Variants in MCPH1 observed in about 807,000 individuals in gnomAD.
The protein encoded by MCPH1 is microcephalin 1.
Under a neutral mutation model 84.5 loss-of-function variants are expected in MCPH1, and 104 were observed. The observed-to-expected ratio is 1.23, with a 90% confidence interval of 1.05 to 1.45. The LOEUF (loss-of-function observed/expected upper bound fraction) is 1.45, where lower values mean the gene tolerates loss of function less well. Ranked by LOEUF, MCPH1 falls within the 40% of genes most tolerant of loss-of-function variation. MCPH1 has a pLI of 0.00. For synonymous variants in MCPH1, 514 were observed against 366.8 expected (o/e 1.40, Z -4.58); for missense variants, 1,498 against 1,005.7 (o/e 1.49, Z -6.62).
At chr8:6,497,672 G>A (rs984085445) in intron 11 of MCPH1, among the ~76,000 whole-genome samples, 1 of 152,208 alleles carries the variant, frequency 6.6e-6, no homozygotes, top group African/African-American at 2.4e-5. Flanking sequence ...AACACATGTA[G>A]CACTCCAGTG....
At chr8:6,455,068 G>A in intron 8 of MCPH1, 75 bp from the exon 9 acceptor site, 1 of 1,082,208 alleles carries the variant, frequency 9.2e-7, no homozygotes, top group Non-Finnish European at 1.4e-6. Context: ...ATGCATAAAT[G>A]TGATTTTTGT....
chr8:6,407,859 G>C (rs939291349), intron 1 of MCPH1, among the ~76,000 whole-genome samples: 1 of 152,058 alleles, frequency 6.6e-6, no homozygotes, highest in Non-Finnish European at 1.5e-5. Context: ...AGCTAAGAAT[G>C]TCTTTTACAT....
Position 6,444,703 on chromosome 8 carries a change from A to G in MCPH1, c.981A>G (p.Glu327=). ...QAAGMSQETF[E]EKYRLSPTLS... is the part of the protein sequence containing the mutation. ...CAGGTATGTCTCAGGAGACGTTTGA[A>G]GAGAAGTATCGTTTGTCTCCTACCT... Residue 327 remains glutamate, a synonymous_variant, in exon 8 of 14, where the codon GAA becomes GAG. Coordinates refer to ENST00000344683, the MANE Select transcript of MCPH1 (RefSeq NM_024596.5). The G allele has an allele frequency of 1.9e-6, 3 of 1,614,122 alleles. No homozygotes were observed. Among genetic ancestry groups the G allele is most frequent in the South Asian group, 1.1e-5 (1 of 91,072 alleles).
intron 11 of MCPH1, among the ~76,000 whole-genome samples, chr8:6,491,854 A>G (rs1359681105): frequency 6.6e-6 from 1 of 151,972 alleles, no homozygotes; most frequent in East Asian, 1.9e-4. Context: ...TATGTGCCAC[A>G]TTTTCTTAAT....
chr8:6,416,527 G>T (rs940089034), intron 3 of MCPH1, among the ~76,000 whole-genome samples: 7 of 152,176 alleles, frequency 4.6e-5, no homozygotes, highest in African/African-American at 1.7e-4. Context: ...ATTATTAAAG[G>T]AAGTTAGATA....
At chr8:6,632,097 C>T (rs1393348953) in intron 13 of MCPH1, among the ~76,000 whole-genome samples, 1 of 152,150 alleles carries the variant, frequency 6.6e-6, no homozygotes, top group Non-Finnish European at 1.5e-5. Flanking sequence ...GGACAAATAT[C>T]ATACGACTAC....
At chr8:6,430,086 C>T (rs368867043) in intron 3 of MCPH1, among the ~76,000 whole-genome samples, 1 of 152,192 alleles carries the variant, frequency 6.6e-6, no homozygotes, top group African/African-American at 2.4e-5. Flanking sequence ...TCTGTGTCCT[C>T]CCACATCTGC....
chr8:6,509,270 T>A (rs914867573), intron 12 of MCPH1, among the ~76,000 whole-genome samples: 1 of 152,230 alleles, frequency 6.6e-6, no homozygotes, highest in African/African-American at 2.4e-5. Flanking sequence ...GATGTTTTCA[T>A]GAAACCTTCA....
At chr8:6,479,962 G>A (rs184570101) in intron 10 of MCPH1, among the ~76,000 whole-genome samples, 390 of 152,134 alleles carry the variant, frequency 2.6e-3, no homozygotes, top group African/African-American at 7.5e-3. Context: ...ACTATGTGTT[G>A]ATACTCAATA....
At chr8:6,631,392 T>C (rs1449342745) in intron 13 of MCPH1, among the ~76,000 whole-genome samples, 1 of 152,018 alleles carries the variant, frequency 6.6e-6, no homozygotes, top group Non-Finnish European at 1.5e-5. Flanking sequence ...TGAAAAGCAA[T>C]CTATGGAGTA....
At chr8:6,550,632 C>T (rs561611943) in intron 12 of MCPH1, among the ~76,000 whole-genome samples, 1 of 152,304 alleles carries the variant, frequency 6.6e-6, no homozygotes, top group South Asian at 2.1e-4. Flanking sequence ...AGTCTGTCGG[C>T]CCTCCTGACC....
intron 9 of MCPH1, among the ~76,000 whole-genome samples, chr8:6,458,212 C>T (rs1425565435): frequency 6.6e-6 from 1 of 152,128 alleles, no homozygotes; most frequent in Non-Finnish European, 1.5e-5. Flanking sequence ...GTGGCTCACA[C>T]CTGTAATCCC....
Position 6,445,136 on chromosome 8 carries a change from G to T in MCPH1, c.1414G>T (p.Asp472Tyr). 6.2e-7 allele frequency: 1 copy of T among 1,614,226 alleles called. No individual in the cohort carries two copies. The highest frequency in any genetic ancestry group is 8.5e-7 in the Non-Finnish European group (1 of 1,180,054). ...SCVGKKTRTV[D>Y]ITNFTAKTIS... ...CGTTGGCAAAAAAACCAGAACAGTTGACATTACCAATTTCACAGCAAAAAC... is the reference window on the plus strand; with the variant it reads ...CGTTGGCAAAAAAACCAGAACAGTTTACATTACCAATTTCACAGCAAAAAC... The change falls in exon 8 of 14, where the codon GAC becomes TAC. Residue 472 changes from aspartate to tyrosine, a missense_variant. Transcript: ENST00000344683.
At chr8:6,602,064 A>G (rs1382529015) in intron 12 of MCPH1, among the ~76,000 whole-genome samples, 1 of 152,248 alleles carries the variant, frequency 6.6e-6, no homozygotes, top group African/African-American at 2.4e-5. Flanking sequence ...TGCATGGAAT[A>G]GAGAAGGCTC....
chr8:6,622,061 C>T (rs968732766), intron 13 of MCPH1: 1 of 365,602 alleles, frequency 2.7e-6, no homozygotes, highest in African/African-American at 2.1e-5. Flanking sequence ...TCAGGAGTCC[C>T]TGGCAGCGCC....
At chr8:6,634,283 A>ACT (rs1563220960) in intron 13 of MCPH1, among the ~76,000 whole-genome samples, 1 of 152,220 alleles carries the variant, frequency 6.6e-6, no homozygotes, top group Non-Finnish European at 1.5e-5. Context: ...ATGACATGGA[A>ACT]TTCAAGTTTT....
intron 13 of MCPH1, among the ~76,000 whole-genome samples, chr8:6,637,976 G>A (rs558625356): frequency 6.6e-6 from 1 of 152,330 alleles, no homozygotes; most frequent in African/African-American, 2.4e-5. Context: ...CTAGTCTTGT[G>A]TTCTGAGCTT....
At chr8:6,519,835 G>T (rs1816969861) in intron 12 of MCPH1, 1 of 1,611,092 alleles carries the variant, frequency 6.2e-7, no homozygotes, top group Non-Finnish European at 8.5e-7. Context: ...TAGAGCCAGG[G>T]AGTTAGTAAG....
intron 13 of MCPH1, among the ~76,000 whole-genome samples, chr8:6,630,544 G>C (rs1051839949): frequency 7.9e-5 from 12 of 152,272 alleles, no homozygotes; most frequent in African/African-American, 2.4e-4. Flanking sequence ...CACTTTGGGA[G>C]GCTGAAGTGG....
Sources: gnomAD v4.1 joint callset for allele counts (sites outside exome capture counted in the v4.1 genomes callset) on GRCh38, gnomAD v4.1.1 for gene constraint, MANE v1.5 for transcripts, NCBI Gene and HGNC (gene_info 2026-07-23, HGNC 2026-07-21) for gene names.